The following PSG3 variants were observed in gnomAD, a reference collection of about 807,000 sequenced individuals.
PSG3 encodes the protein pregnancy-specific beta-1-glycoprotein 3.
PSG3 carries 61 observed loss-of-function variants against 47.5 expected under a neutral mutation model. The observed-to-expected ratio is 1.28, with a 90% CI of 1.05 to 1.59. The LOEUF (loss-of-function observed/expected upper bound fraction) is 1.59. Among genes scored for constraint, PSG3 ranks in the 40% most tolerant of loss-of-function variants. PSG3 has a pLI of 0.00. For synonymous variants in PSG3, 263 were observed against 198.4 expected (o/e 1.33, Z -2.74); for missense variants, 756 against 524.0 (o/e 1.44, Z -4.32).
intron 1 of PSG3, 163 bp from the exon 2 acceptor site, chr19:42,739,252 T>A: frequency 8.1e-7 from 1 of 1,234,758 alleles, no homozygotes; most frequent in Non-Finnish European, 1.1e-6. Context: ...TGTGTATATG[T>A]GTTTGTGTCC....
At chr19:42,733,882 A>G (rs1169200183) in intron 2 of PSG3, among the ~76,000 whole-genome samples, 3 of 152,188 alleles carry the variant, frequency 2.0e-5, no homozygotes, top group African/African-American at 7.2e-5. Flanking sequence ...CAAATGCAGA[A>G]CCGACTGGTG....
rs1182088256 is a variant in PSG3 at position 42,723,927 on chromosome 19, G to A, written c.*40+15C>T. 3.8e-5 allele frequency: 59 copies of A among 1,546,512 alleles called. 1 individual carries two copies. The South Asian group carries it at 4.5e-4, about 12-fold the overall frequency. On this transcript the variant is annotated intron_variant, in intron 6 of 6. Transcript: ENST00000327495. ...AGCCCTGCAGGAACCAGGATAAGAG[G>A]AAAGGTCATCATACCTGCCAGTCTT...
At chr19:42,736,540 C>T (rs903927239) in intron 2 of PSG3, among the ~76,000 whole-genome samples, 5 of 151,968 alleles carry the variant, frequency 3.3e-5, no homozygotes, top group South Asian at 2.1e-4. Context: ...AATAATAAAC[C>T]TCCATCCTCC....
At chr19:42,723,378 A>G (rs1219873477) in intron 6 of PSG3, among the ~76,000 whole-genome samples, 1 of 152,228 alleles carries the variant, frequency 6.6e-6, no homozygotes, top group Non-Finnish European at 1.5e-5. Context: ...AGGGGTGTGT[A>G]GGAAGACAGT....
At chr19:42,731,145 G>T (rs778786236) in intron 3 of PSG3, among the ~76,000 whole-genome samples, 6 of 152,206 alleles carry the variant, frequency 3.9e-5, no homozygotes, top group Admixed American at 1.3e-4. Flanking sequence ...GGCAGTTTCA[G>T]TTATTCAAGG....
In PSG3 at chr19:42,729,104, C is replaced by G. The variant is rs778464770; in HGVS notation, c.1243+19G>C. ...CTCCACCTAAAACTCTATTGCCAAG[C>G]ATGCTGGGATCCACTTACCAGAGAC... On this transcript the variant is annotated intron_variant, in intron 5 of 6. Coordinates refer to ENST00000327495, the MANE Select transcript of PSG3 (RefSeq NM_021016.4). The G allele has an allele frequency of 2.4e-5, 39 of 1,613,818 alleles. No individual in the cohort carries two copies. Among genetic ancestry groups the G allele is most frequent in the East Asian group, 8.9e-5 (4 of 44,894 alleles).
At position 42,732,940 on chromosome 19, in the gene PSG3, G is replaced by T. The variant is rs192204565; in HGVS notation, c.553C>A (p.Gln185Lys). The change falls in exon 3 of 7, where the codon CAG (glutamine) becomes AAG (lysine). Residue 185 changes from glutamine to lysine, a missense_variant. Transcript: ENST00000327495. ...AAGCTGTGAGTCATAGGGAGGCTCT[G>T]ACCATTCATCCACCACAGGTAGCTT... ...DASYLWWMNG[Q>K]SLPMTHSLQL... 6.2e-7 allele frequency: 1 copy of T among 1,614,132 alleles called. No individual in the cohort carries two copies. Among genetic ancestry groups the T allele is most frequent in the Admixed American group, 1.7e-5 (1 of 60,016 alleles).
At chr19:42,733,885 G>A (rs1600387360) in intron 2 of PSG3, among the ~76,000 whole-genome samples, 1 of 152,190 alleles carries the variant, frequency 6.6e-6, no homozygotes, top group South Asian at 2.1e-4. Flanking sequence ...ATGCAGAACC[G>A]ACTGGTGGAA....
chr19:42,730,668 C>CATGATGACT (rs1317600451), intron 3 of PSG3, among the ~76,000 whole-genome samples: 3 of 152,156 alleles, frequency 2.0e-5, no homozygotes, highest in Non-Finnish European at 4.4e-5. Context: ...GCAGGTGTTT[C>CATGATGACT]ATGATGACTT....
chr19:42,723,640 C>T (rs1283812860), intron 6 of PSG3, among the ~76,000 whole-genome samples: 3 of 152,150 alleles, frequency 2.0e-5, no homozygotes, highest in Non-Finnish European at 4.4e-5. Context: ...GAGAATTACA[C>T]TATTGAGAGA....
In PSG3 at chr19:42,738,818, G is replaced by A. The variant is rs767367352; in HGVS notation, c.336C>T (p.Val112=). Residue 112 remains valine, a synonymous_variant, in exon 2 of 7, where the codon GTC becomes GTT. Transcript: ENST00000327495. ...YSNASLLIQN[V]TREDAGSYTL... Reference sequence around the variant, plus strand: ...TGTAGGATCCTGCGTCCTCCCGGGTGACATTCTGGATCAGCAGGGATGCAT... The same window carrying A: ...TGTAGGATCCTGCGTCCTCCCGGGTAACATTCTGGATCAGCAGGGATGCAT... The A allele has an allele frequency of 9.3e-6, 15 of 1,613,984 alleles. No homozygotes were observed. The East Asian group carries it at 1.3e-4, about 14-fold the overall frequency.
At chr19:42,739,143 A>G in intron 1 of PSG3, 54 bp from the exon 2 acceptor site, 7 of 1,548,798 alleles carry the variant, frequency 4.5e-6, no homozygotes, top group Non-Finnish European at 6.1e-6. Flanking sequence ...TTGGGGTGAA[A>G]AGATGTGGCC....
rs1249992272 is a variant in PSG3 at position 42,740,453 on chromosome 19, C to A, written c.-69G>T. On this transcript the variant is annotated 5_prime_UTR_variant, in exon 1 of 7. Transcript: ENST00000327495. Reference sequence around the variant, plus strand: ...GGATCCAGAAACTTCCTGAGCATGGCTCTCAGCTGTGCTGTCCTTCCTCCT... The same window carrying A: ...GGATCCAGAAACTTCCTGAGCATGGATCTCAGCTGTGCTGTCCTTCCTCCT... The A allele has an allele frequency of 6.2e-7, 1 of 1,613,100 alleles. No homozygotes were observed. Among genetic ancestry groups the A allele is most frequent in the Non-Finnish European group, 8.5e-7 (1 of 1,179,612 alleles).
At chr19:42,732,653 G>T (rs1388010047) in intron 3 of PSG3, 131 bp downstream of exon 3, 26 of 1,603,106 alleles carry the variant, frequency 1.6e-5, no homozygotes, top group Non-Finnish European at 2.2e-5. Flanking sequence ...GGGGCAGAAA[G>T]TCATGGCCAG....
In PSG3 at chr19:42,740,462, G is replaced by A. The variant is rs940705553; in HGVS notation, c.-78C>T. The A allele has an allele frequency of 6.2e-7, 1 of 1,612,014 alleles. No individual in the cohort carries two copies. Among genetic ancestry groups the A allele is most frequent in the African/African-American group, 1.3e-5 (1 of 74,832 alleles). Reference sequence around the variant, plus strand: ...AACTTCCTGAGCATGGCTCTCAGCTGTGCTGTCCTTCCTCCTTCTGCGCTG... The same window carrying A: ...AACTTCCTGAGCATGGCTCTCAGCTATGCTGTCCTTCCTCCTTCTGCGCTG... On this transcript the variant is annotated 5_prime_UTR_variant, in exon 1 of 7. Coordinates refer to ENST00000327495, the MANE Select transcript of PSG3 (RefSeq NM_021016.4).
chr19:42,731,484 G>T (rs913241468), intron 3 of PSG3, among the ~76,000 whole-genome samples: 3 of 152,050 alleles, frequency 2.0e-5, no homozygotes, highest in Admixed American at 1.3e-4. Context: ...TGGCCATGCT[G>T]CACTTGTATA....
At chr19:42,729,090 ACT>A (rs747206747) in intron 5 of PSG3, 31 bp downstream of exon 5, 133 of 1,613,338 alleles carry the variant, frequency 8.2e-5, no homozygotes, top group Non-Finnish European at 1.1e-4. Context: ...TCCACCTAAA[ACT>A]CTATTGCCAA....
chr19:42,737,214 G>A (rs1410777781), intron 2 of PSG3, among the ~76,000 whole-genome samples: 1 of 152,168 alleles, frequency 6.6e-6, no homozygotes, highest in African/African-American at 2.4e-5. Flanking sequence ...AGGGTCAAGA[G>A]GTAGTGGGGG....
At position 42,729,156 on chromosome 19, in the gene PSG3, C is replaced by G. The variant is rs1459104606; in HGVS notation, c.1210G>C (p.Glu404Gln). ...TTGACTGTCATGGATTTGGAGCTTTCCATGCCAGTGGCTGAGTTACGAACA... is the reference window on the plus strand; with the variant it reads ...TTGACTGTCATGGATTTGGAGCTTTGCATGCCAGTGGCTGAGTTACGAACA... Reference protein sequence around the residue: ...CSVRNSATGMESSKSMTVKVS... With the variant: ...CSVRNSATGMQSSKSMTVKVS... Residue 404 changes from glutamate (E) to glutamine (Q), a missense_variant, in exon 5 of 7, where the codon GAA (glutamate) becomes CAA (glutamine). Glu to Gln is a conservative substitution (Grantham distance 29). Transcript: ENST00000327495. The G allele has an allele frequency of 6.2e-7, 1 of 1,613,886 alleles. No homozygotes were observed. The highest frequency in any genetic ancestry group is 8.5e-7 in the Non-Finnish European group (1 of 1,179,866).
Sources: allele counts gnomAD v4.1 joint callset (sites outside exome capture counted in the v4.1 genomes callset), GRCh38; gene constraint gnomAD v4.1.1; transcripts MANE v1.5; gene names NCBI Gene and HGNC (gene_info 2026-07-23, HGNC 2026-07-21).